The following KYNU variants were observed in gnomAD, a reference collection of about 807,000 sequenced individuals.
KYNU encodes L-kynurenine hydrolase.
A neutral mutation model predicts 59.2 loss-of-function variants in KYNU; 54 were observed. The ratio of observed to expected loss-of-function variants is 0.91; its 90% confidence interval spans 0.73 to 1.14. KYNU has a LOEUF of 1.14. Among genes scored for constraint, KYNU ranks in the 50% most tolerant of loss-of-function variants. The probability of loss-of-function intolerance (pLI) is 0.00; values close to 1 mark genes in which losing one functional copy is unlikely to be tolerated. For synonymous variants in KYNU, 177 were observed against 192.0 expected (o/e 0.92, Z 0.65); for missense variants, 567 against 554.4 (o/e 1.02, Z -0.23).
intron 2 of KYNU, among the ~76,000 whole-genome samples, chr2:142,893,973 A>T (rs923188346): frequency 2.6e-5 from 4 of 152,208 alleles, no homozygotes; most frequent in Admixed American, 6.5e-5. Flanking sequence ...AGGACTGGGA[A>T]TAGAAAGATT....
intron 2 of KYNU, among the ~76,000 whole-genome samples, chr2:142,908,247 G>A (rs1434384327): frequency 1.3e-5 from 2 of 152,062 alleles, no homozygotes; most frequent in Non-Finnish European, 2.9e-5. Flanking sequence ...TCTGTGAAAA[G>A]TATTGGAAAG....
chr2:142,931,630 A>T (rs1683221938), intron 4 of KYNU, among the ~76,000 whole-genome samples: 1 of 152,184 alleles, frequency 6.6e-6, no homozygotes, highest in Non-Finnish European at 1.5e-5. Context: ...AAGGGACTAT[A>T]AAAAGAGGCT....
intron 4 of KYNU, among the ~76,000 whole-genome samples, chr2:142,939,235 A>G (rs576176557): frequency 1.3e-5 from 2 of 152,316 alleles, no homozygotes; most frequent in African/African-American, 4.8e-5. Flanking sequence ...ATTATTATTA[A>G]TCATTACATT....
chr2:142,957,803 A>G (rs1684220298), intron 7 of KYNU, 88 bp downstream of exon 7: 2 of 828,364 alleles, frequency 2.4e-6, no homozygotes, highest in Non-Finnish European at 4.1e-6. Flanking sequence ...TAAAATCTTC[A>G]TTACTTTAAT....
chr2:142,957,573 A>G, intron 6 of KYNU, 68 bp from the exon 7 acceptor site: 1 of 966,000 alleles, frequency 1.0e-6, no homozygotes, highest in Non-Finnish European at 1.7e-6. Flanking sequence ...TTACTTTATT[A>G]TTTGTTATTT....
intron 12 of KYNU, among the ~76,000 whole-genome samples, chr2:143,036,317 C>T (rs1369449601): frequency 6.6e-6 from 1 of 152,066 alleles, no homozygotes; most frequent in African/African-American, 2.4e-5. Context: ...TATAACCTGA[C>T]GTGTCCACCC....
At chr2:142,885,673 C>A (rs1681485875) in intron 2 of KYNU, 137 bp downstream of exon 2, 1 of 818,814 alleles carries the variant, frequency 1.2e-6, no homozygotes, top group Non-Finnish European at 1.9e-6. Context: ...AGCAGAAGAT[C>A]CCTGGTGCTC....
At chr2:142,957,762 AT>A (rs1469767406) in intron 7 of KYNU, 47 bp downstream of exon 7, 6 of 1,223,926 alleles carry the variant, frequency 4.9e-6, no homozygotes, top group South Asian at 3.7e-5. Flanking sequence ...TTTAGTATTG[AT>A]TTTTTTCTTC....
chr2:143,001,297 A>G (rs73964620), intron 10 of KYNU, among the ~76,000 whole-genome samples: 9,845 of 152,118 alleles, frequency 0.065, 364 homozygotes, highest in African/African-American at 0.097. Flanking sequence ...ACTTTAAACT[A>G]TTGGACAGGG....
At chr2:142,884,942 GA>G (rs1336956793) in intron 1 of KYNU, among the ~76,000 whole-genome samples, 11 of 147,536 alleles carry the variant, frequency 7.5e-5, no homozygotes, top group Non-Finnish European at 1.5e-4. Flanking sequence ...TCTCATATAT[GA>G]AAAGAAGAAA....
At chr2:143,037,232 A>C (rs1686916798) in intron 12 of KYNU, among the ~76,000 whole-genome samples, 1 of 152,234 alleles carries the variant, frequency 6.6e-6, no homozygotes, top group African/African-American at 2.4e-5. Context: ...GACCTTACAC[A>C]AGCAACAACT....
chr2:143,026,662 A>G (rs1250863136), intron 10 of KYNU, among the ~76,000 whole-genome samples: 1 of 152,208 alleles, frequency 6.6e-6, no homozygotes, highest in African/African-American at 2.4e-5. Context: ...TGCAGGCCCC[A>G]CAGCAGACTC....
rs1685127135 is a variant in KYNU at position 142,984,045 on chromosome 2, G to A, written c.730-1039G>A. Among the ~76,000 whole-genome samples, 2 of 151,976 alleles carry A rather than the reference G, an allele frequency of 1.3e-5. 1 individual carries two copies. Among genetic ancestry groups the A allele is most frequent in the African/African-American group, 4.8e-5 (2 of 41,414 alleles). ...TTGATACTGCATCAGAATTTGACAA[G>A]TGAGAACTTTTTAGGAGTTCTGGTA... is the stretch of plus-strand genomic sequence containing the variant. On this transcript the variant is annotated intron_variant, in intron 8 of 13. Coordinates refer to ENST00000264170, the MANE Select transcript of KYNU (RefSeq NM_003937.3).
intron 6 of KYNU, 46 bp downstream of exon 6, chr2:142,956,320 A>G: frequency 1.6e-6 from 2 of 1,213,556 alleles, no homozygotes; most frequent in South Asian, 2.4e-5. Flanking sequence ...TACTCTTCCT[A>G]GAGCAGTGTA....
chr2:143,026,222 A>T (rs16858532), intron 10 of KYNU, among the ~76,000 whole-genome samples: 1 of 152,182 alleles, frequency 6.6e-6, no homozygotes, highest in Non-Finnish European at 1.5e-5. Flanking sequence ...ATCTTTTTGT[A>T]TATATATTCT....
At chr2:142,947,191 C>T (rs1212923436) in intron 4 of KYNU, 27 of 1,550,766 alleles carry the variant, frequency 1.7e-5, no homozygotes, top group Non-Finnish European at 2.1e-5. Flanking sequence ...AACGCAGACA[C>T]CTCTGAGGTT....
rs571224250 is a variant in KYNU, at chr2:143,025,767, AAG to A, written c.903-3855_903-3854del. Among the ~76,000 whole-genome samples the A allele has an allele frequency of 2.5e-4, 38 of 152,310 alleles. 1 individual carries two copies. The East Asian group carries it at 4.4e-3, about 18-fold the overall frequency. ...AGGCAGAAGAACCATTGGGGACAAA[AAG>A]AGAGGATTATTAAGTTTCTCATAAT... is the stretch of plus-strand genomic sequence containing the variant. On this transcript the variant is annotated intron_variant, in intron 10 of 13. Transcript: ENST00000264170.
Position 143,042,128 on chromosome 2 carries a change from A to G in KYNU, c.1354A>G (p.Asn452Asp). 1 of 1,610,838 alleles carries G rather than the reference A, an allele frequency of 6.2e-7. No individual in the cohort carries two copies. The change falls in exon 14 of 14, where the codon AAT (asparagine) becomes GAT (aspartate). Residue 452 changes from asparagine to aspartate, a missense_variant. Physicochemically the swap from Asn to Asp is conservative, Grantham distance 23. Coordinates refer to ENST00000264170, the MANE Select transcript of KYNU (RefSeq NM_003937.3). ...NSFHDVYKFT[N>D]LLTSILDSAE... The stretch of plus-strand genomic sequence containing the variant: ...TTTCCATGATGTTTATAAATTTACC[A>G]ATCTGCTCACTTCTATACTTGACTC...
intron 10 of KYNU, among the ~76,000 whole-genome samples, chr2:143,011,979 G>T (rs1488184316): frequency 6.8e-6 from 1 of 147,712 alleles, no homozygotes; most frequent in African/African-American, 2.5e-5. Flanking sequence ...CGAGTTAGTG[G>T]GTGCAGCGCA....
Sources: allele counts gnomAD v4.1 joint callset (sites outside exome capture counted in the v4.1 genomes callset), GRCh38; gene constraint gnomAD v4.1.1; transcripts MANE v1.5; gene names NCBI Gene and HGNC (gene_info 2026-07-23, HGNC 2026-07-21).